PTPRT: variants seen among roughly 807,000 people sequenced by gnomAD.
The protein encoded by PTPRT is receptor-type tyrosine-protein phosphatase T.
Under a neutral mutation model 176.8 loss-of-function variants are expected in PTPRT, and 56 were observed. The observed-to-expected ratio is 0.32, with a 90% CI of 0.26 to 0.40. The LOEUF (loss-of-function observed/expected upper bound fraction) is 0.40. Ranked by LOEUF, PTPRT falls within the 10% of genes least tolerant of loss-of-function variation. The pLI, the probability that PTPRT is intolerant of heterozygous loss-of-function variation, is 1.00. For synonymous variants in PTPRT, 783 were observed against 739.0 expected (o/e 1.06, Z -0.96); for missense variants, 1,540 against 1,908.2 (o/e 0.81, Z 3.60).
intron 16 of PTPRT, among the ~76,000 whole-genome samples, chr20:42,186,266 C>T (rs1248038818): frequency 1.3e-5 from 2 of 151,768 alleles, no homozygotes; most frequent in Admixed American, 1.3e-4. Context: ...ACAAAAGCAA[C>T]CATAGGAAAT....
chr20:42,533,928 G>A (rs918177228), intron 7 of PTPRT, among the ~76,000 whole-genome samples: 17 of 152,148 alleles, frequency 1.1e-4, no homozygotes, highest in African/African-American at 4.1e-4. Context: ...TTCCTCTCCT[G>A]CCATTCTCAT....
chr20:42,609,000 T>C (rs1490800066), intron 7 of PTPRT, among the ~76,000 whole-genome samples: 1 of 152,102 alleles, frequency 6.6e-6, no homozygotes, highest in East Asian at 1.9e-4. Context: ...GGTATAGGAT[T>C]GAGTTTGAAT....
intron 2 of PTPRT, among the ~76,000 whole-genome samples, chr20:42,861,286 T>C (rs947611900): frequency 6.6e-6 from 1 of 152,234 alleles, no homozygotes; most frequent in Non-Finnish European, 1.5e-5. Flanking sequence ...TTCCCTTGAT[T>C]CTGATCCAAT....
chr20:42,892,795 C>T (rs1440940641), intron 1 of PTPRT, among the ~76,000 whole-genome samples: 2 of 152,214 alleles, frequency 1.3e-5, no homozygotes, highest in Non-Finnish European at 2.9e-5. Flanking sequence ...AACTAAAGCT[C>T]CATAGCAACA....
At chr20:42,290,783 C>A (rs2057305080) in intron 12 of PTPRT, among the ~76,000 whole-genome samples, 1 of 152,020 alleles carries the variant, frequency 6.6e-6, no homozygotes, top group Non-Finnish European at 1.5e-5. Flanking sequence ...ATCCATCCAT[C>A]CTTCAATTAT....
intron 1 of PTPRT, among the ~76,000 whole-genome samples, chr20:43,030,929 A>T (rs955282059): frequency 6.6e-6 from 1 of 152,194 alleles, no homozygotes. Flanking sequence ...TGCAAGAAGG[A>T]GGTTTACTGA....
intron 2 of PTPRT, among the ~76,000 whole-genome samples, chr20:42,885,515 C>T (rs1237215984): frequency 2.6e-5 from 4 of 151,910 alleles, no homozygotes; most frequent in African/African-American, 7.3e-5. Context: ...TTCCCTGACA[C>T]GCCACTGTCA....
At chr20:42,528,891 T>G (rs2072326671) in intron 7 of PTPRT, among the ~76,000 whole-genome samples, 1 of 152,208 alleles carries the variant, frequency 6.6e-6, no homozygotes, top group African/African-American at 2.4e-5. Context: ...TAAAATAGAT[T>G]AAGCCTTTGC....
At chr20:42,660,695 T>C (rs1395090747) in intron 7 of PTPRT, among the ~76,000 whole-genome samples, 5 of 152,170 alleles carry the variant, frequency 3.3e-5, no homozygotes, top group Non-Finnish European at 7.4e-5. Context: ...GTGCCATCCA[T>C]GATTCCAGGC....
chr20:42,065,935 A>AG, the PTPRT span, among the ~76,000 whole-genome samples: 1 of 150,918 alleles, frequency 6.6e-6, no homozygotes, highest in Non-Finnish European at 1.5e-5. Flanking sequence ...ATGTTTTTTA[A>AG]GTATTAAGAT....
intron 2 of PTPRT, among the ~76,000 whole-genome samples, chr20:42,819,244 A>C (rs1268445963): frequency 6.6e-6 from 1 of 152,226 alleles, no homozygotes; most frequent in Non-Finnish European, 1.5e-5. Context: ...GGGGGCCAAT[A>C]TTCAATATTC....
intron 11 of PTPRT, 65 bp downstream of exon 11, chr20:42,350,563 C>A: frequency 7.7e-7 from 1 of 1,303,980 alleles, no homozygotes. Flanking sequence ...TCACATGATT[C>A]AACTGGAGGC....
At chr20:43,042,568 T>C (rs886452507) in intron 1 of PTPRT, among the ~76,000 whole-genome samples, 1 of 152,082 alleles carries the variant, frequency 6.6e-6, no homozygotes, top group African/African-American at 2.4e-5. Flanking sequence ...TTAGAATCTT[T>C]CACAAGCAGA....
In PTPRT at chr20:42,577,454, G is replaced by C. The variant is rs565145772; in HGVS notation, c.1153+100412C>G. Among the ~76,000 whole-genome samples, 12 of 152,310 alleles carry C rather than the reference G, an allele frequency of 7.9e-5. No individual in the cohort carries two copies. The East Asian group carries it at 9.7e-4, about 12-fold the overall frequency. On this transcript the variant is annotated intron_variant, in intron 7 of 30. Coordinates refer to ENST00000373187, the MANE Select transcript of PTPRT (RefSeq NM_007050.6). ...ACACAGACGGAGACCCAGGCATGCAGGTTTGAGAACACTGGAAGGAGTGAA... is the reference window on the plus strand; with the variant it reads ...ACACAGACGGAGACCCAGGCATGCACGTTTGAGAACACTGGAAGGAGTGAA...
At chr20:42,971,966 G>A (rs1982666731) in intron 1 of PTPRT, among the ~76,000 whole-genome samples, 2 of 151,866 alleles carry the variant, frequency 1.3e-5, no homozygotes, top group Non-Finnish European at 2.9e-5. Context: ...GGCACACAAT[G>A]GATGACAATT....
At chr20:42,416,038 G>A (rs8118609) in intron 9 of PTPRT, among the ~76,000 whole-genome samples, 2 of 152,178 alleles carry the variant, frequency 1.3e-5, no homozygotes, top group Non-Finnish European at 2.9e-5. Flanking sequence ...AGATACATCT[G>A]CTCAGAACCT....
intron 9 of PTPRT, among the ~76,000 whole-genome samples, chr20:42,380,494 C>T (rs1390278071): frequency 6.6e-6 from 1 of 152,192 alleles, no homozygotes; most frequent in Non-Finnish European, 1.5e-5. Flanking sequence ...TCTCATAAGC[C>T]TTTGGGTCTG....
chr20:43,122,935 C>T (rs1568798346), intron 1 of PTPRT, among the ~76,000 whole-genome samples: 1 of 152,182 alleles, frequency 6.6e-6, no homozygotes, highest in Non-Finnish European at 1.5e-5. Context: ...CTCACTGCAG[C>T]CTCCACCTCC....
intron 16 of PTPRT, among the ~76,000 whole-genome samples, chr20:42,187,122 T>C (rs6016712): frequency 0.31 from 47,819 of 152,084 alleles, 8,533 homozygotes; most frequent in East Asian, 0.38. Context: ...CCACCCTCAC[T>C]GGACAACATT....
Sources: allele counts gnomAD v4.1 joint callset (sites outside exome capture counted in the v4.1 genomes callset), GRCh38; gene constraint gnomAD v4.1.1; transcripts MANE v1.5; gene names NCBI Gene and HGNC (gene_info 2026-07-23, HGNC 2026-07-21).